FLVCR1: variants seen among roughly 807,000 people sequenced by gnomAD.
The protein encoded by FLVCR1 is choline/ethanolamine transporter FLVCR1.
Under a neutral mutation model 53.6 loss-of-function variants are expected in FLVCR1, and 34 were observed. The observed-to-expected ratio is 0.63, with a 90% CI of 0.48 to 0.84. The LOEUF is 0.84. Among genes scored for constraint, FLVCR1 ranks in the 40% least tolerant of loss-of-function variants. FLVCR1 has a pLI of 0.00. For missense variants in FLVCR1, 677 were observed against 696.7 expected, an observed-to-expected ratio of 0.97 and a Z score of 0.32; for synonymous variants, 300 against 286.3, an observed-to-expected ratio of 1.05 and a Z score of -0.48.
chr1:212,872,879 T>C, intron 3 of FLVCR1, 61 bp downstream of exon 3: 2 of 1,591,908 alleles, frequency 1.3e-6, no homozygotes, highest in Non-Finnish European at 1.7e-6. Context: ...TTGTGGATTC[T>C]TTTCATTTAA....
intron 8 of FLVCR1, among the ~76,000 whole-genome samples, chr1:212,889,588 G>A (rs2047290): frequency 0.48 from 72,401 of 151,772 alleles, 18,469 homozygotes; most frequent in East Asian, 0.67. Context: ...CCAACATGGC[G>A]AAACCCCGTC....
intron 3 of FLVCR1, among the ~76,000 whole-genome samples, chr1:212,874,819 A>T (rs999506059): frequency 6.6e-6 from 1 of 151,150 alleles, no homozygotes; most frequent in Non-Finnish European, 1.5e-5. Context: ...GAGCCACTGC[A>T]TCCGGCCTGG....
chr1:212,873,324 AAG>A (rs1553264191), intron 3 of FLVCR1, among the ~76,000 whole-genome samples: 4 of 151,494 alleles, frequency 2.6e-5, no homozygotes, highest in Non-Finnish European at 3.0e-5. Context: ...AAAAAAATAA[AAG>A]AAAGAAAAGA....
chr1:212,864,963 G>A (rs1210344079), intron 2 of FLVCR1, among the ~76,000 whole-genome samples: 1 of 152,264 alleles, frequency 6.6e-6, no homozygotes, highest in East Asian at 1.9e-4. Context: ...GGTAACATAT[G>A]AAGTATTCAA....
Position 212,897,844 on chromosome 1 carries a change from C to T in FLVCR1, c.*2554C>T, listed in dbSNP as rs918170357. 5 of 152,186 alleles carry T rather than the reference C, an allele frequency of 3.3e-5. No individual in the cohort carries two copies. The highest frequency in any genetic ancestry group is 7.2e-5 in the African/African-American group (3 of 41,440). The allele number at this position is 152,186 out of a possible 1,614,324, so 9.4% of individuals were successfully genotyped here. A position where few individuals can be genotyped will look rare whatever the true frequency, so the allele number is the denominator to read the frequency against. ...AACACCTTCTATTAGGGCCAACCTT[C>T]AACATTGGGGATTACATTTCAATGT... is the stretch of plus-strand genomic sequence containing the variant. On this transcript the variant is annotated 3_prime_UTR_variant, in exon 10 of 10. Coordinates refer to ENST00000366971, the MANE Select transcript of FLVCR1 (RefSeq NM_014053.4).
chr1:212,888,646 AGTG>A (rs1156454830), intron 7 of FLVCR1, 52 bp downstream of exon 7: 3 of 1,216,178 alleles, frequency 2.5e-6, no homozygotes, highest in Non-Finnish European at 3.7e-6. Flanking sequence ...CAGATATTCT[AGTG>A]AGTAATGAGT....
At chr1:212,892,958 G>A (rs544992298) in intron 8 of FLVCR1, among the ~76,000 whole-genome samples, 44 of 152,144 alleles carry the variant, frequency 2.9e-4, no homozygotes, top group Non-Finnish European at 2.2e-4. Flanking sequence ...TGCAGATGTG[G>A]TGGGAATAAC....
intron 8 of FLVCR1, among the ~76,000 whole-genome samples, chr1:212,891,614 A>G (rs1665195822): frequency 6.6e-6 from 1 of 152,216 alleles, no homozygotes; most frequent in African/African-American, 2.4e-5. Context: ...TGCTTTTACC[A>G]TCTCAAATGG....
intron 8 of FLVCR1, among the ~76,000 whole-genome samples, chr1:212,889,721 G>A (rs1396460555): frequency 7.2e-6 from 1 of 139,652 alleles, no homozygotes; most frequent in East Asian, 2.1e-4. Context: ...TCACACGAGT[G>A]CACTCTAGCT....
intron 2 of FLVCR1, among the ~76,000 whole-genome samples, chr1:212,867,060 A>C (rs1332125604): frequency 6.6e-6 from 1 of 152,216 alleles, no homozygotes; most frequent in African/African-American, 2.4e-5. Flanking sequence ...ATCCATACTT[A>C]CTTTGGAAGT....
At position 212,872,837 on chromosome 1, in the gene FLVCR1, CT is replaced by C; in HGVS notation, c.1024+22del. 6.2e-7 allele frequency: 1 copy of C among 1,612,900 alleles called. No homozygotes were observed. The highest frequency in any genetic ancestry group is 1.1e-5 in the South Asian group (1 of 91,058). On this transcript the variant is annotated intron_variant, in intron 3 of 9. Coordinates refer to ENST00000366971, the MANE Select transcript of FLVCR1 (RefSeq NM_014053.4). ...ACTTATGGTAAGTGGTTTTCTTGTA[CT>C]TTCTTTAATGTCTGTGTGAGCCTTT...
Position 212,872,756 on chromosome 1 carries a change from A to G in FLVCR1, c.962A>G (p.Tyr321Cys), listed in dbSNP as rs142749772. ...LQDSPPEEYS[Y>C]KKSIRNLFKN... ...GACAGTCCCCCTGAAGAGTACTCCTATAAGAAATCAATAAGAAACCTGTTT... is the reference window on the plus strand; with the variant it reads ...GACAGTCCCCCTGAAGAGTACTCCTGTAAGAAATCAATAAGAAACCTGTTT... The change falls in exon 3 of 10, where the codon TAT becomes TGT. Residue 321 changes from tyrosine (Y) to cysteine (C), a missense_variant. Coordinates refer to ENST00000366971, the MANE Select transcript of FLVCR1 (RefSeq NM_014053.4). The G allele has an allele frequency of 3.7e-5, 60 of 1,613,776 alleles. 1 individual carries two copies. The highest frequency in any genetic ancestry group is 3.7e-5 in the Non-Finnish European group (44 of 1,179,770).
At chr1:212,892,696 T>C (rs1379690326) in intron 8 of FLVCR1, among the ~76,000 whole-genome samples, 1 of 152,196 alleles carries the variant, frequency 6.6e-6, no homozygotes, top group Non-Finnish European at 1.5e-5. Flanking sequence ...TAATTTCAAC[T>C]TTCAAGTCTT....
intron 2 of FLVCR1, 99 bp downstream of exon 2, chr1:212,863,968 T>C (rs3768548): frequency 0.23 from 223,598 of 970,776 alleles, 30,423 homozygotes; most frequent in Admixed American, 0.5. Flanking sequence ...TCAAGTGTCA[T>C]GTGCTTTGTT....
chr1:212,869,531 G>A (rs1200322274), intron 2 of FLVCR1, among the ~76,000 whole-genome samples: 1 of 152,136 alleles, frequency 6.6e-6, no homozygotes, highest in Non-Finnish European at 1.5e-5. Context: ...TTAAAGACTG[G>A]TAAGAAGTAT....
intron 3 of FLVCR1, among the ~76,000 whole-genome samples, chr1:212,873,142 A>G (rs1470495773): frequency 6.6e-6 from 1 of 151,934 alleles, no homozygotes; most frequent in Non-Finnish European, 1.5e-5. Context: ...GTGAAACCCC[A>G]TCTCTACTAA....
intron 3 of FLVCR1, among the ~76,000 whole-genome samples, chr1:212,876,838 C>T (rs550389392): frequency 6.6e-6 from 1 of 152,252 alleles, no homozygotes; most frequent in South Asian, 2.1e-4. Flanking sequence ...ATTTATATTC[C>T]TTTGGGTGTG....
chr1:212,866,134 GCCA>G (rs1005232097), intron 2 of FLVCR1, among the ~76,000 whole-genome samples: 10 of 151,982 alleles, frequency 6.6e-5, no homozygotes, highest in Non-Finnish European at 1.5e-4. Context: ...ACAGGCGCGT[GCCA>G]CCATGCCTGG....
rs541386018 is a variant in FLVCR1 at position 212,894,052 on chromosome 1, A to T, written c.1526-934A>T. Reference sequence around the variant, plus strand: ...CGGCCTCTCAAAGTGCTAGGATTACAGGCATGAGCCACTGAGCCTGGCCAG... The same window carrying T: ...CGGCCTCTCAAAGTGCTAGGATTACTGGCATGAGCCACTGAGCCTGGCCAG... On this transcript the variant is annotated intron_variant, in intron 8 of 9. Coordinates refer to ENST00000366971, the MANE Select transcript of FLVCR1 (RefSeq NM_014053.4). Among the ~76,000 whole-genome samples, 3 of 152,066 alleles carry T rather than the reference A, an allele frequency of 2.0e-5. No individual in the cohort carries two copies. The South Asian group carries it at 6.2e-4, about 32-fold the overall frequency.
Sources: allele counts gnomAD v4.1 joint callset (sites outside exome capture counted in the v4.1 genomes callset), GRCh38; gene constraint gnomAD v4.1.1; transcripts MANE v1.5; gene names NCBI Gene and HGNC (gene_info 2026-07-23, HGNC 2026-07-21).